Variants in MYO5B observed in about 807,000 individuals in gnomAD.
The protein encoded by MYO5B is unconventional myosin-Vb.
In MYO5B, 143 loss-of-function variants were observed where a neutral mutation model predicts 229.3. That is an observed-to-expected ratio of 0.62 (90% CI 0.54 to 0.72). The LOEUF is 0.72. Ranked by LOEUF, MYO5B falls within the 30% of genes least tolerant of loss-of-function variation. The pLI is 0.00. For missense variants in MYO5B, 2,321 were observed against 2,331.0 expected, an observed-to-expected ratio of 1.00 and a Z score of 0.09; for synonymous variants, 918 against 885.2, an observed-to-expected ratio of 1.04 and a Z score of -0.66.
Position 49,992,337 on chromosome 18 carries a change from C to T in MYO5B, c.707G>A (p.Gly236Glu), listed in dbSNP as rs753603057. The T allele has an allele frequency of 1.9e-5, 30 of 1,613,992 alleles. No homozygotes were observed. In the Admixed American group the frequency reaches 2.7e-4, roughly 14 times the overall value. ...CAAGAGGTAAGTCCTCATGTTGGCCCCGATGATGTGGTACCTTTTGTCAAA... is the reference window on the plus strand; with the variant it reads ...CAAGAGGTAAGTCCTCATGTTGGCCTCGATGATGTGGTACCTTTTGTCAAA... ...IGFDKRYHIIGANMRTYLLEK... is the reference protein window; with the variant it reads ...IGFDKRYHIIEANMRTYLLEK... The change falls in exon 6 of 40, where the codon GGG becomes GAG. Residue 236 changes from glycine to glutamate, a missense_variant. Physicochemically the swap from Gly to Glu is moderately conservative, Grantham distance 98 (BLOSUM62 -2). This residue lies in a region of MYO5B where 2,113 missense variants were observed against 2,044.7 expected (regional missense o/e 1.03). Coordinates refer to ENST00000285039, the MANE Select transcript of MYO5B (RefSeq NM_001080467.3).
At chr18:50,087,165 C>T (rs2031347687) in intron 1 of MYO5B, among the ~76,000 whole-genome samples, 1 of 152,192 alleles carries the variant, frequency 6.6e-6, no homozygotes, top group Non-Finnish European at 1.5e-5. Context: ...TTCCTTAAAG[C>T]CACAGCCAGG....
intron 14 of MYO5B, among the ~76,000 whole-genome samples, chr18:49,948,138 T>C (rs1420223369): frequency 6.6e-6 from 1 of 152,256 alleles, no homozygotes; most frequent in Non-Finnish European, 1.5e-5. Flanking sequence ...TTTGTGTTTA[T>C]AAGAATATAA....
At chr18:49,831,815 G>A (rs142233556) in intron 39 of MYO5B, among the ~76,000 whole-genome samples, 10 of 152,216 alleles carry the variant, frequency 6.6e-5, no homozygotes, top group African/African-American at 2.4e-4. Flanking sequence ...TGTTCATAGC[G>A]GCATGATTCC....
chr18:49,826,241 A>C lies in MYO5B; in HGVS notation c.*230T>G. 1.9e-6 allele frequency: 1 copy of C among 540,264 alleles called. No individual in the cohort carries two copies. Among genetic ancestry groups the C allele is most frequent in the Non-Finnish European group, 3.3e-6 (1 of 302,722 alleles). The allele number at this position is 540,264 out of a possible 1,614,324, so 33.5% of individuals were successfully genotyped here. On this transcript the variant is annotated 3_prime_UTR_variant, in exon 40 of 40. Transcript: ENST00000285039. ...AAATTATGTATATGTGTTGGACTGA[A>C]ATCAAACTTAAAATCTTCCATATTT...
intron 1 of MYO5B, among the ~76,000 whole-genome samples, chr18:50,119,829 C>G (rs1183350264): frequency 6.6e-6 from 1 of 152,060 alleles, no homozygotes; most frequent in Admixed American, 6.5e-5. Flanking sequence ...GAAGGTCTTG[C>G]TGAAAAAGGA....
chr18:50,077,086 A>T (rs1447924020), intron 1 of MYO5B, among the ~76,000 whole-genome samples: 1 of 150,492 alleles, frequency 6.6e-6, no homozygotes, highest in East Asian at 2.0e-4. Context: ...CCTTGTTAAA[A>T]TGTCTTCGTT....
At chr18:49,872,343 C>T in intron 26 of MYO5B, 111 bp from the exon 27 acceptor site, 1 of 983,478 alleles carries the variant, frequency 1.0e-6, no homozygotes, top group Non-Finnish European at 1.6e-6. Flanking sequence ...GAATACCCAA[C>T]ACCCCCACCC....
At chr18:50,158,827 C>T (rs2032721269) in intron 1 of MYO5B, among the ~76,000 whole-genome samples, 1 of 152,160 alleles carries the variant, frequency 6.6e-6, no homozygotes, top group Non-Finnish European at 1.5e-5. Context: ...AACCTCCTGG[C>T]ACATTGTGGA....
chr18:49,885,411 A>G (rs1279372142), intron 22 of MYO5B, among the ~76,000 whole-genome samples: 1 of 152,166 alleles, frequency 6.6e-6, no homozygotes, highest in Non-Finnish European at 1.5e-5. Flanking sequence ...ATGACCATAC[A>G]GACCCCTGAG....
At chr18:49,838,136 C>T (rs1009606332) in intron 36 of MYO5B, among the ~76,000 whole-genome samples, 3 of 152,196 alleles carry the variant, frequency 2.0e-5, no homozygotes, top group Admixed American at 6.5e-5. Context: ...CAGCCACTGA[C>T]TATGTAAATA....
At chr18:49,930,894 A>C (rs887410602) in intron 16 of MYO5B, among the ~76,000 whole-genome samples, 3 of 149,868 alleles carry the variant, frequency 2.0e-5, no homozygotes, top group Non-Finnish European at 2.9e-5. Flanking sequence ...TCTGTCTCAA[A>C]AAAAAACACT....
chr18:50,160,548 GT>G (rs1329380239), intron 1 of MYO5B, among the ~76,000 whole-genome samples: 2 of 152,186 alleles, frequency 1.3e-5, no homozygotes, highest in African/African-American at 4.8e-5. Context: ...AGCCGACTGT[GT>G]TCCTGGGGAC....
chr18:49,927,617 T>C (rs946636902), intron 17 of MYO5B, among the ~76,000 whole-genome samples: 8 of 152,164 alleles, frequency 5.3e-5, no homozygotes, highest in African/African-American at 1.9e-4. Context: ...CAACTGATCT[T>C]TGACAAAGCA....
intron 1 of MYO5B, among the ~76,000 whole-genome samples, chr18:50,187,271 C>T (rs920946670): frequency 2.6e-5 from 4 of 152,240 alleles, no homozygotes; most frequent in South Asian, 2.1e-4. Flanking sequence ...ACCTAGCAAC[C>T]AGATCTTCAT....
chr18:49,848,459 G>A (rs1271513315), intron 32 of MYO5B, among the ~76,000 whole-genome samples: 1 of 152,208 alleles, frequency 6.6e-6, no homozygotes, highest in Non-Finnish European at 1.5e-5. Context: ...AGGGAAGGGT[G>A]CTCCATGAAC....
intron 7 of MYO5B, among the ~76,000 whole-genome samples, chr18:49,988,267 G>A (rs1224215647): frequency 6.6e-6 from 1 of 152,178 alleles, no homozygotes; most frequent in African/African-American, 2.4e-5. Flanking sequence ...GGTTATTAGT[G>A]GACCTAAATG....
intron 1 of MYO5B, among the ~76,000 whole-genome samples, chr18:50,058,638 C>G (rs1183929788): frequency 2.6e-5 from 4 of 152,108 alleles, no homozygotes; most frequent in Admixed American, 2.0e-4. Context: ...TGGTAAAACC[C>G]TGTCTCTACT....
intron 30 of MYO5B, 121 bp from the exon 31 acceptor site, chr18:49,853,768 CCAGAGGG>C (rs1251685373): frequency 3.4e-6 from 3 of 886,314 alleles, no homozygotes; most frequent in African/African-American, 3.3e-5. Flanking sequence ...TGCACATCCC[CCAGAGGG>C]ATGAATGCAG....
At chr18:49,910,648 A>G (rs1217618) in intron 18 of MYO5B, among the ~76,000 whole-genome samples, 78,979 of 151,828 alleles carry the variant, frequency 0.52, 21,166 homozygotes, top group Middle Eastern at 0.62. Flanking sequence ...AAAGCTATGC[A>G]TACATTTACT....
Sources: gnomAD v4.1 joint callset for allele counts (sites outside exome capture counted in the v4.1 genomes callset) on GRCh38, gnomAD v4.1.1 for gene constraint, gnomAD v4.1.1 regional missense constraint, MANE v1.5 for transcripts, NCBI Gene and HGNC (gene_info 2026-07-23, HGNC 2026-07-21) for gene names.